Variants in ARAP1 observed in about 807,000 individuals in gnomAD.
ARAP1 encodes the protein ArfGAP with RhoGAP domain, ankyrin repeat and PH domain 1, also known as arf-GAP with Rho-GAP domain, ANK repeat and PH domain-containing protein 1.
Under a neutral mutation model 172.2 loss-of-function variants are expected in ARAP1, and 76 were observed. The observed-to-expected ratio is 0.44, with a 90% CI of 0.37 to 0.53. ARAP1 has a LOEUF of 0.53. Among genes scored for constraint, ARAP1 ranks in the 20% least tolerant of loss-of-function variants. The pLI is 0.00. For synonymous variants in ARAP1, 804 were observed against 803.3 expected (o/e 1.00, Z -0.01); for missense variants, 1,686 against 1,977.5 (o/e 0.85, Z 2.80).
chr11:72,750,012 A>G (rs1288332698), intron 1 of ARAP1, among the ~76,000 whole-genome samples: 1 of 151,968 alleles, frequency 6.6e-6, no homozygotes, highest in African/African-American at 2.4e-5. Context: ...CAGTTTCCCC[A>G]TCTGTGAAAG....
At chr11:72,713,368 C>CA (rs1321850039) in intron 4 of ARAP1, 125 bp from the exon 5 acceptor site, 6 of 815,860 alleles carry the variant, frequency 7.4e-6, no homozygotes, top group African/African-American at 1.7e-5. Context: ...CCCTGGCTTT[C>CA]AAAAAAAGGC....
chr11:72,737,628 CT>C (rs58569661), intron 1 of ARAP1, among the ~76,000 whole-genome samples: 6,308 of 143,842 alleles, frequency 0.044, 378 homozygotes, highest in African/African-American at 0.14. Context: ...CTCATTTGTT[CT>C]TTTTTTTTTT....
At chr11:72,707,778 G>C (rs1856835545) in intron 11 of ARAP1, among the ~76,000 whole-genome samples, 1 of 152,282 alleles carries the variant, frequency 6.6e-6, no homozygotes, top group East Asian at 1.9e-4. Context: ...GCAGAGAAAA[G>C]GGTGGGAGAT....
chr11:72,744,902 T>A (rs2072269820), intron 1 of ARAP1, among the ~76,000 whole-genome samples: 1 of 152,138 alleles, frequency 6.6e-6, no homozygotes, highest in South Asian at 2.1e-4. Flanking sequence ...TCCCTAGGCT[T>A]AGCATGTCCA....
At position 72,726,643 on chromosome 11, in the gene ARAP1, G is replaced by A. The variant is rs367823513; in HGVS notation, c.486C>T (p.Thr162=). The change falls in exon 3 of 35, where the codon ACC becomes ACT. Residue 162 remains threonine, a synonymous_variant. Coordinates refer to ENST00000393609, the MANE Select transcript of ARAP1 (RefSeq NM_001040118.3). This position sits in a 1 kb window ranked among gnomAD's most constrained non-coding sequence, Gnocchi z 6.5. The part of the protein sequence containing the change: ...ELSVPPVPPR[T]GPPRLLVSLP... ...ACCTCACCAGCAGGCGGGGGGGTCC[G>A]GTGCGGGGCGGCACGGGTGGAACGC... 6.3e-5 allele frequency: 96 copies of A among 1,522,882 alleles called. No homozygotes were observed. The highest frequency in any genetic ancestry group is 2.2e-4 in the Middle Eastern group (1 of 4,474). The allele number at this position is 1,522,882 out of a possible 1,614,324, so 94.3% of individuals were successfully genotyped here.
At chr11:72,749,745 G>T (rs1414146734) in intron 1 of ARAP1, among the ~76,000 whole-genome samples, 1 of 152,046 alleles carries the variant, frequency 6.6e-6, no homozygotes, top group African/African-American at 2.4e-5. Flanking sequence ...AGCCAGGTGT[G>T]GTGGCGGGCG....
At chr11:72,731,167 C>A (rs1260806265) in intron 2 of ARAP1, among the ~76,000 whole-genome samples, 1 of 152,184 alleles carries the variant, frequency 6.6e-6, no homozygotes, top group African/African-American at 2.4e-5. Context: ...CAGGAGGGAA[C>A]AGTGGAAGAT....
At chr11:72,736,081 G>C (rs959552979) in intron 1 of ARAP1, among the ~76,000 whole-genome samples, 3 of 152,120 alleles carry the variant, frequency 2.0e-5, no homozygotes. Flanking sequence ...AGAATCATCA[G>C]TACTGTTCCT....
rs781342501 is a variant in ARAP1, at chr11:72,685,607, G to A, written c.*57C>T. The A allele has an allele frequency of 3.1e-6, 5 of 1,613,082 alleles. No individual in the cohort carries two copies. Among genetic ancestry groups the A allele is most frequent in the Middle Eastern group, 1.6e-4 (1 of 6,062 alleles). On this transcript the variant is annotated 3_prime_UTR_variant, in exon 35 of 35. Transcript: ENST00000393609. ...CATCAGGCCTTGGAGCATAAGGGGTGTCTGAACAGAAGGCTTCCAGCGGCG... is the reference window on the plus strand; with the variant it reads ...CATCAGGCCTTGGAGCATAAGGGGTATCTGAACAGAAGGCTTCCAGCGGCG...
chr11:72,686,899 C>T (rs560156913), intron 33 of ARAP1, among the ~76,000 whole-genome samples: 38 of 152,312 alleles, frequency 2.5e-4, no homozygotes, highest in East Asian at 1.2e-3. Context: ...AGGTCAGTTT[C>T]CCTGGCGTGA....
chr11:72,709,696 G>A lies in ARAP1; in HGVS notation c.1523+174C>T, dbSNP rs999366445. The A allele has an allele frequency of 1.5e-5, 10 of 688,802 alleles. No homozygotes were observed. In the Admixed American group the frequency reaches 2.1e-4, roughly 14 times the overall value. 42.7% of individuals were successfully genotyped at this position (688,802 alleles called of 1,614,324 possible). A position where few individuals can be genotyped will look rare whatever the true frequency, so the allele number is the denominator to read the frequency against. ...AGGGGAGAGTAAGACCTCTCAGGAG[G>A]GAAGGAGATCAGAGAGGGTTAGCAA... On this transcript the variant is annotated intron_variant, in intron 11 of 34. Transcript: ENST00000393609.
At chr11:72,713,037 C>T in intron 5 of ARAP1, 139 bp downstream of exon 5, 2 of 911,850 alleles carry the variant, frequency 2.2e-6, no homozygotes, top group Non-Finnish European at 3.4e-6. Context: ...CCCCGTATGG[C>T]AAGAGAGTGA....
Position 72,748,303 on chromosome 11 carries a change from C to T in ARAP1, c.-128+4025G>A, listed in dbSNP as rs543537939. ...TTGGGAGGCCAAGGCGGGCGGATCA[C>T]GAGGTCAGGAGTTCAAGATCATCCT... is the stretch of plus-strand genomic sequence containing the variant. On this transcript the variant is annotated intron_variant, in intron 1 of 34. Coordinates refer to ENST00000393609, the MANE Select transcript of ARAP1 (RefSeq NM_001040118.3). Among the ~76,000 whole-genome samples, 40 of 152,216 alleles carry T rather than the reference C, an allele frequency of 2.6e-4. No homozygotes were observed. The East Asian group carries it at 6.6e-3, about 25-fold the overall frequency.
At position 72,699,708 on chromosome 11, in the gene ARAP1, C is replaced by T. The variant is rs1426688834; in HGVS notation, c.2303-156G>A. Reference sequence around the variant, plus strand: ...CATCCACCTCTCTGCATCCCCACCACGCTAGCCAGCCCACAAGTCATCCGC... The same window carrying T: ...CATCCACCTCTCTGCATCCCCACCATGCTAGCCAGCCCACAAGTCATCCGC... On this transcript the variant is annotated intron_variant, in intron 16 of 34. Transcript: ENST00000393609. This position sits in a 1 kb window ranked among gnomAD's most constrained non-coding sequence, Gnocchi z 4.2. Among the ~76,000 whole-genome samples, 1 of 152,190 alleles carries T rather than the reference C, an allele frequency of 6.6e-6. No individual in the cohort carries two copies. Among genetic ancestry groups the T allele is most frequent in the Non-Finnish European group, 1.5e-5 (1 of 68,034 alleles).
At chr11:72,733,885 G>A (rs1008871697) in intron 1 of ARAP1, among the ~76,000 whole-genome samples, 1 of 152,152 alleles carries the variant, frequency 6.6e-6, no homozygotes, top group Non-Finnish European at 1.5e-5. Context: ...GTGCAGTAGC[G>A]CAATCTTGGC....
chr11:72,713,117 A>G (rs1857106320), intron 5 of ARAP1, 59 bp downstream of exon 5: 2 of 1,556,514 alleles, frequency 1.3e-6, no homozygotes, highest in Admixed American at 1.7e-5. Flanking sequence ...AGGGTCTGAC[A>G]GGCAGCTGGG....
intron 1 of ARAP1, among the ~76,000 whole-genome samples, chr11:72,748,869 G>T (rs954947471): frequency 6.6e-6 from 1 of 152,174 alleles, no homozygotes; most frequent in African/African-American, 2.4e-5. Context: ...GGGGACACTG[G>T]GGTTGATTCA....
intron 13 of ARAP1, chr11:72,705,562 C>CTT: frequency 4.2e-6 from 2 of 478,960 alleles, no homozygotes; most frequent in Non-Finnish European, 7.4e-6. Flanking sequence ...CATTTTCTTC[C>CTT]TTTTTTTTTC....
At chr11:72,703,410 G>GC (rs1031582103) in intron 14 of ARAP1, 12 of 63,728 alleles carry the variant, frequency 1.9e-4, no homozygotes, top group South Asian at 4.8e-4. Context: ...GGAGGAGCCG[G>GC]GGGGGGGGTG....
Sources: allele counts gnomAD v4.1 joint callset (sites outside exome capture counted in the v4.1 genomes callset), GRCh38; gene constraint gnomAD v4.1.1; non-coding constraint Gnocchi (gnomAD v3.1); transcripts MANE v1.5; gene names NCBI Gene and HGNC (gene_info 2026-07-23, HGNC 2026-07-21).